ARAP1: variants seen among roughly 807,000 people sequenced by gnomAD.
ARAP1 encodes arf-GAP with Rho-GAP domain, ANK repeat and PH domain-containing protein 1.
A neutral mutation model predicts 172.2 loss-of-function variants in ARAP1; 76 were observed. The ratio of observed to expected loss-of-function variants is 0.44; its 90% confidence interval spans 0.37 to 0.53. The LOEUF (loss-of-function observed/expected upper bound fraction) is 0.53. Ranked by LOEUF, ARAP1 falls within the 20% of genes least tolerant of loss-of-function variation. The pLI, the probability that ARAP1 is intolerant of heterozygous loss-of-function variation, is 0.00. For missense variants in ARAP1, 1,686 were observed against 1,977.5 expected, an observed-to-expected ratio of 0.85 and a Z score of 2.80; for synonymous variants, 804 against 803.3, an observed-to-expected ratio of 1.00 and a Z score of -0.01.
At chr11:72,742,222 C>T (rs1163031634) in intron 1 of ARAP1, among the ~76,000 whole-genome samples, 1 of 152,154 alleles carries the variant, frequency 6.6e-6, no homozygotes, top group Non-Finnish European at 1.5e-5. Flanking sequence ...CTCGATTCTC[C>T]AGCAGGCCCA....
chr11:72,723,283 G>T lies in ARAP1; in HGVS notation c.509+3337C>A, dbSNP rs144677836. Among the ~76,000 whole-genome samples, 14 of 152,112 alleles carry T rather than the reference G, an allele frequency of 9.2e-5. No individual in the cohort carries two copies. The East Asian group carries it at 2.7e-3, about 29-fold the overall frequency. ...TCATGGCACCACTGCACTCCAGCCT[G>T]GGCAACAGAGAGAGACTTAGTCTCT... On this transcript the variant is annotated intron_variant, in intron 3 of 34. Transcript: ENST00000393609.
chr11:72,693,056 AAGGCAC>A lies in ARAP1; in HGVS notation c.3954+263_3954+268del, dbSNP rs1856008367. ...AACAGGTTCCTGTGGATGCAGTGAT[AAGGCAC>A]AGGCACAGTGAGACAGAGCATGGGC... On this transcript the variant is annotated intron_variant, in intron 29 of 34. Coordinates refer to ENST00000393609, the MANE Select transcript of ARAP1 (RefSeq NM_001040118.3). The surrounding 1 kb of genome is among the most constrained non-coding windows in gnomAD (Gnocchi z 4.6). The A allele has an allele frequency of 9.3e-6, 6 of 645,394 alleles. No individual in the cohort carries two copies. In the East Asian group the frequency reaches 1.6e-4, roughly 18 times the overall value. 40.0% of individuals were successfully genotyped at this position (645,394 alleles called of 1,614,324 possible).
chr11:72,694,847 G>C, intron 27 of ARAP1, 133 bp downstream of exon 27: 1 of 730,854 alleles, frequency 1.4e-6, no homozygotes, highest in Non-Finnish European at 2.3e-6. Flanking sequence ...ACAGAGATCA[G>C]TGTGACAGCA....
chr11:72,701,683 G>T lies in ARAP1; in HGVS notation c.2268C>A (p.Ala756=). Residue 756 remains alanine, a synonymous_variant, in exon 16 of 35, where the codon GCC becomes GCA. Coordinates refer to ENST00000393609, the MANE Select transcript of ARAP1 (RefSeq NM_001040118.3). ...CCCGGCGGTCCTGTAGCAGCTTGCC[G>T]GCAGAGGCAGTCTTGTAGAGGAAGC... ...HSGFLYKTAS[A]GKLLQDRRAR... 1 of 1,613,766 alleles carries T rather than the reference G, an allele frequency of 6.2e-7. No individual in the cohort carries two copies. Among genetic ancestry groups the T allele is most frequent in the South Asian group, 1.1e-5 (1 of 91,056 alleles).
rs145388481 is a variant in ARAP1 at position 72,699,437 on chromosome 11, C to T, written c.2418G>A (p.Val806=). Reference sequence around the variant, plus strand: ...CTCACCCATGGGTGTCAGGAGGGGGCACTGCCAGGCACACAATCTCGCTGG... The same window carrying T: ...CTCACCCATGGGTGTCAGGAGGGGGTACTGCCAGGCACACAATCTCGCTGG... The part of the protein sequence containing the change: ...IRASEIVCLA[V]PPPDTHGFEH... The change falls in exon 17 of 35, where the codon GTG becomes GTA. Residue 806 remains valine (V), a synonymous_variant. Transcript: ENST00000393609. The surrounding 1 kb of genome is among the most constrained non-coding windows in gnomAD (Gnocchi z 4.2). The T allele has an allele frequency of 5.7e-4, 917 of 1,614,132 alleles. 5 individuals are homozygous for T. In the African/African-American group the frequency reaches 0.011, roughly 20 times the overall value.
chr11:72,747,405 T>C lies in ARAP1; in HGVS notation c.-128+4923A>G, dbSNP rs1310071353. Among the ~76,000 whole-genome samples the C allele has an allele frequency of 5.3e-5, 8 of 152,314 alleles. No individual in the cohort carries two copies. The South Asian group carries it at 1.4e-3, about 28-fold the overall frequency. ...CATGTTTCCAGGGTTGTTCAGTTACTGACACCCTGCTGTAGCAAAGCCCCA... is the reference window on the plus strand; with the variant it reads ...CATGTTTCCAGGGTTGTTCAGTTACCGACACCCTGCTGTAGCAAAGCCCCA... On this transcript the variant is annotated intron_variant, in intron 1 of 34. Coordinates refer to ENST00000393609, the MANE Select transcript of ARAP1 (RefSeq NM_001040118.3).
chr11:72,749,461 T>A (rs1466573820), intron 1 of ARAP1, among the ~76,000 whole-genome samples: 1 of 152,134 alleles, frequency 6.6e-6, no homozygotes, highest in East Asian at 1.9e-4. Flanking sequence ...TTACTCAGCT[T>A]TCTCTAAGGC....
intron 1 of ARAP1, among the ~76,000 whole-genome samples, chr11:72,744,918 A>T (rs1858307494): frequency 6.6e-6 from 1 of 152,220 alleles, no homozygotes; most frequent in Admixed American, 6.5e-5. Flanking sequence ...GTCCATCTTT[A>T]GAGCCGAGAA....
At position 72,712,490 on chromosome 11, in the gene ARAP1, C is replaced by T; in HGVS notation, c.826G>A (p.Asp276Asn). The T allele has an allele frequency of 1.2e-6, 2 of 1,613,116 alleles. No individual in the cohort carries two copies. The highest frequency in any genetic ancestry group is 1.7e-6 in the Non-Finnish European group (2 of 1,179,446). The part of the protein sequence containing the change: ...LLSEGEELSG[D>N]DQGDEEEDDH... Reference sequence around the variant, plus strand: ...TCCTCTTCCTCATCCCCTTGGTCGTCCCCAGACAGTTCCTCTCCCTCGCTC... The same window carrying T: ...TCCTCTTCCTCATCCCCTTGGTCGTTCCCAGACAGTTCCTCTCCCTCGCTC... Residue 276 changes from aspartate (D) to asparagine (N), a missense_variant, in exon 6 of 35, where the codon GAC (aspartate) becomes AAC (asparagine). Around this residue, in one of 5 missense-constraint regions of ARAP1, gnomAD observed 688 missense variants for 856.9 expected, o/e 0.80. Transcript: ENST00000393609.
At position 72,686,057 on chromosome 11, in the gene ARAP1, G is replaced by A. The variant is rs537807585; in HGVS notation, c.4320C>T (p.Thr1440=). ...AGCCACTCACAGACAGAGGGTCCGC[G>A]GTGAAGGCAGCCACACTCCGGCGCA... The part of the protein sequence containing the change: ...NEMRRSVAAF[T]ADPLSLLRNV Residue 1440 remains threonine (T), a synonymous_variant, in exon 34 of 35, where the codon ACC becomes ACT. Coordinates refer to ENST00000393609, the MANE Select transcript of ARAP1 (RefSeq NM_001040118.3). 1.4e-5 allele frequency: 23 copies of A among 1,614,062 alleles called. No homozygotes were observed. The South Asian group carries it at 1.4e-4, about 10-fold the overall frequency.
At chr11:72,697,721 GCACA>G in intron 19 of ARAP1, 72 bp from the exon 20 acceptor site, 1 of 1,595,834 alleles carries the variant, frequency 6.3e-7, no homozygotes, top group Non-Finnish European at 8.6e-7. Flanking sequence ...CCCTCTGTGA[GCACA>G]CACACACCCT....
intron 27 of ARAP1, 59 bp downstream of exon 27, chr11:72,694,921 G>A: frequency 2.0e-6 from 3 of 1,480,870 alleles, no homozygotes; most frequent in Non-Finnish European, 2.8e-6. Flanking sequence ...GACAGACTGG[G>A]GCTACAGCTG....
intron 3 of ARAP1, among the ~76,000 whole-genome samples, chr11:72,720,577 A>G (rs563639989): frequency 6.6e-6 from 1 of 151,886 alleles, no homozygotes; most frequent in South Asian, 2.1e-4. Flanking sequence ...CCACCACCCT[A>G]CTCGCATCCT....
intron 1 of ARAP1, among the ~76,000 whole-genome samples, chr11:72,733,019 G>C (rs1343938307): frequency 6.6e-6 from 1 of 151,978 alleles, no homozygotes; most frequent in Non-Finnish European, 1.5e-5. Context: ...ATGGGGAAGA[G>C]GTGGAAGAAG....
At chr11:72,738,664 ACTC>A (rs1858109204) in intron 1 of ARAP1, among the ~76,000 whole-genome samples, 2 of 151,312 alleles carry the variant, frequency 1.3e-5, no homozygotes, top group African/African-American at 4.9e-5. Context: ...ACCTCAGGAA[ACTC>A]CTCGGAGCTC....
Position 72,702,984 on chromosome 11 carries a change from C to G in ARAP1, c.2088G>C (p.Glu696Asp). The G allele has an allele frequency of 6.4e-7, 1 of 1,567,994 alleles. No individual in the cohort carries two copies. The highest frequency in any genetic ancestry group is 2.4e-5 in the East Asian group (1 of 42,412). Residue 696 changes from glutamate to aspartate, a missense_variant, in exon 15 of 35, where the codon GAG (glutamate) becomes GAC (aspartate). This residue lies in a region of ARAP1 where 688 missense variants were observed against 856.9 expected (regional missense o/e 0.80). Coordinates refer to ENST00000393609, the MANE Select transcript of ARAP1 (RefSeq NM_001040118.3). ...AGINCFSGDP[E>D]APTPLALAEQ... ...CTGCAAGAGCCAGGGGCGTGGGGGC[C>G]TCAGGGTCCCCCGAGAAGCAGTTGA...
intron 18 of ARAP1, among the ~76,000 whole-genome samples, chr11:72,698,761 T>C (rs556456802): frequency 5.3e-5 from 8 of 152,280 alleles, no homozygotes; most frequent in African/African-American, 1.9e-4. Flanking sequence ...TAAACACTTA[T>C]TGAGCACCTA....
At chr11:72,700,661 T>C (rs1399722728) in intron 16 of ARAP1, 1 of 152,254 alleles carries the variant, frequency 6.6e-6, no homozygotes, top group African/African-American at 2.4e-5. Context: ...AGAGAATCTA[T>C]AGATAAGTAC....
intron 18 of ARAP1, 109 bp downstream of exon 18, chr11:72,698,896 T>A: frequency 8.7e-7 from 1 of 1,154,524 alleles, no homozygotes; most frequent in Non-Finnish European, 1.3e-6. Context: ...CTGCCCTGCA[T>A]CTAGCTTCTG....
Sources: allele counts gnomAD v4.1 joint callset (sites outside exome capture counted in the v4.1 genomes callset), GRCh38; gene constraint gnomAD v4.1.1; regional missense constraint gnomAD v4.1.1; non-coding constraint Gnocchi (gnomAD v3.1); transcripts MANE v1.5; gene names NCBI Gene and HGNC (gene_info 2026-07-23, HGNC 2026-07-21).